The following HCRTR2 variants were observed in gnomAD, a reference collection of about 807,000 sequenced individuals.
The protein encoded by HCRTR2 is hypocretin receptor 2.
Under a neutral mutation model 49.0 loss-of-function variants are expected in HCRTR2, and 22 were observed. The ratio of observed to expected loss-of-function variants is 0.45; its 90% CI spans 0.32 to 0.64. HCRTR2 has a LOEUF of 0.64. Ranked by LOEUF, HCRTR2 falls within the 30% of genes least tolerant of loss-of-function variation. HCRTR2 has a pLI of 0.04. For synonymous variants in HCRTR2, 236 were observed against 205.3 expected (o/e 1.15, Z -1.28); for missense variants, 491 against 559.4 (o/e 0.88, Z 1.23).
chr6:55,115,564 G>A (rs1029609562), intron 1 of HCRTR2, among the ~76,000 whole-genome samples: 2 of 151,476 alleles, frequency 1.3e-5, no homozygotes, highest in East Asian at 1.9e-4. Flanking sequence ...AGTGCTTAGC[G>A]TAGTGCCAGG....
chr6:55,225,104 TG>T (rs2127297503), intron 1 of HCRTR2, among the ~76,000 whole-genome samples: 1 of 152,294 alleles, frequency 6.6e-6, no homozygotes, highest in South Asian at 2.1e-4. Context: ...AACATCATGT[TG>T]TACATGACAA....
rs567297631 is a variant in HCRTR2 at position 55,220,553 on chromosome 6, C to A, written c.224-28086C>A. ...ACAAACTATGAATAGAAGGCATGTA[C>A]CTCAACACAATAATAAAGGTCACAT... is the stretch of plus-strand genomic sequence containing the variant. On this transcript the variant is annotated intron_variant, in intron 1 of 6. Coordinates refer to ENST00000370862, the MANE Select transcript of HCRTR2 (RefSeq NM_001384272.1). 2.0e-5 allele frequency among the ~76,000 whole-genome samples: 3 copies of A among 152,112 alleles called. No homozygotes were observed. In the South Asian group the frequency reaches 6.2e-4, roughly 32 times the overall value.
chr6:55,132,051 T>C (rs147977430), intron 1 of HCRTR2, among the ~76,000 whole-genome samples: 376 of 151,960 alleles, frequency 2.5e-3, no homozygotes, highest in Non-Finnish European at 4.2e-3. Flanking sequence ...GTACATGTGT[T>C]TGTGGCCAAT....
At chr6:55,258,457 A>T (rs947204615) in intron 3 of HCRTR2, among the ~76,000 whole-genome samples, 5 of 152,142 alleles carry the variant, frequency 3.3e-5, no homozygotes, top group African/African-American at 4.8e-5. Flanking sequence ...TAACTAAAAA[A>T]TTTACCAGCA....
chr6:55,241,390 G>A (rs1766329746), intron 1 of HCRTR2, among the ~76,000 whole-genome samples: 3 of 152,032 alleles, frequency 2.0e-5, no homozygotes, highest in African/African-American at 7.2e-5. Context: ...GATGGAAGCA[G>A]GTTCAAATGC....
chr6:55,202,072 G>A lies in HCRTR2; in HGVS notation c.223+27262G>A, dbSNP rs75033481. ...CACTCACAGTAGAGGTAAGTTCAAG[G>A]TTATAAGAGAGCTTATAGATTCTGA... On this transcript the variant is annotated intron_variant, in intron 1 of 6. Coordinates refer to ENST00000370862, the MANE Select transcript of HCRTR2 (RefSeq NM_001384272.1). Among the ~76,000 whole-genome samples, 620 of 152,230 alleles carry A rather than the reference G, an allele frequency of 4.1e-3. 4 individuals carry two copies. The highest frequency in any genetic ancestry group is 0.014 in the African/African-American group (596 of 41,568).
chr6:55,149,439 C>A (rs1256959688), intron 1 of HCRTR2, among the ~76,000 whole-genome samples: 1 of 152,022 alleles, frequency 6.6e-6, no homozygotes, highest in Admixed American at 6.6e-5. Context: ...GTGAGGTGAG[C>A]AAATTGCTAT....
At chr6:55,165,789 A>ATATT (rs1764869655) in intron 1 of HCRTR2, among the ~76,000 whole-genome samples, 1 of 140,842 alleles carries the variant, frequency 7.1e-6, no homozygotes, top group African/African-American at 2.7e-5. Context: ...ATATATATAT[A>ATATT]CTCTTACACC....
At chr6:55,191,570 C>T (rs3122163) in intron 1 of HCRTR2, among the ~76,000 whole-genome samples, 129,762 of 152,176 alleles carry the variant, frequency 0.85, 55,729 homozygotes, top group East Asian at 0.97. Context: ...CTGATTTAGT[C>T]CTAGTATCTC....
chr6:55,197,490 T>C (rs939717445), intron 1 of HCRTR2, among the ~76,000 whole-genome samples: 1 of 152,166 alleles, frequency 6.6e-6, no homozygotes, highest in Non-Finnish European at 1.5e-5. Flanking sequence ...ATCCTAACCC[T>C]AATATTATCA....
chr6:55,209,877 A>G (rs888893781), intron 1 of HCRTR2, among the ~76,000 whole-genome samples: 1 of 152,072 alleles, frequency 6.6e-6, no homozygotes, highest in East Asian at 1.9e-4. Context: ...CAGTGAGTTT[A>G]TTTACAAAAC....
rs542629525 is a variant in HCRTR2, at chr6:55,280,911, G to A, written c.1105+467G>A. ...TGGATTTATCTCAATATTTCCCACT[G>A]ACTACCAAAAATAGTATTACTCCAA... On this transcript the variant is annotated intron_variant, in intron 6 of 6. Coordinates refer to ENST00000370862, the MANE Select transcript of HCRTR2 (RefSeq NM_001384272.1). 6.6e-5 allele frequency among the ~76,000 whole-genome samples: 10 copies of A among 152,006 alleles called. No homozygotes were observed. In the South Asian group the frequency reaches 2.1e-3, roughly 32 times the overall value.
intron 1 of HCRTR2, among the ~76,000 whole-genome samples, chr6:55,199,427 A>G (rs1018736141): frequency 6.6e-6 from 1 of 152,148 alleles, no homozygotes; most frequent in Admixed American, 6.5e-5. Context: ...TGCTTGCTAG[A>G]AAACAGCTGA....
intron 1 of HCRTR2, among the ~76,000 whole-genome samples, chr6:55,226,552 G>A (rs947393603): frequency 6.6e-6 from 1 of 151,848 alleles, no homozygotes; most frequent in Non-Finnish European, 1.5e-5. Context: ...CAGATGATCT[G>A]CACACCTTGG....
In HCRTR2 at chr6:55,226,722, T is replaced by G. The variant is rs889258297; in HGVS notation, c.224-21917T>G. On this transcript the variant is annotated intron_variant, in intron 1 of 6. Transcript: ENST00000370862. ...ACCAAATTCCAGGTGTTTTTTTTTTTTTTTTTTTTTTTTGAGACAGAGTCT... is the reference window on the plus strand; with the variant it reads ...ACCAAATTCCAGGTGTTTTTTTTTTGTTTTTTTTTTTTTGAGACAGAGTCT... Among the ~76,000 whole-genome samples, 19 of 136,598 alleles carry G rather than the reference T, an allele frequency of 1.4e-4. 1 individual carries two copies. Among genetic ancestry groups the G allele is most frequent in the African/African-American group, 4.8e-4 (17 of 35,258 alleles). 89.6% of individuals were successfully genotyped at this position (136,598 alleles called of 152,430 possible). A position where few individuals can be genotyped will look rare whatever the true frequency, so the allele number is the denominator to read the frequency against.
upstream of HCRTR2, chr6:55,174,422 G>A (rs1184694531): frequency 2.1e-5 from 14 of 680,654 alleles, no homozygotes; most frequent in South Asian, 2.1e-4. Flanking sequence ...GAAGTTGCCC[G>A]GCAGAAGACT....
At chr6:55,130,245 A>T (rs1371799026) in intron 1 of HCRTR2, among the ~76,000 whole-genome samples, 1 of 151,900 alleles carries the variant, frequency 6.6e-6, no homozygotes, top group Non-Finnish European at 1.5e-5. Flanking sequence ...GTGAATCTCA[A>T]AGGCAGCACA....
At chr6:55,232,887 A>C (rs544159531) in intron 1 of HCRTR2, among the ~76,000 whole-genome samples, 3 of 152,334 alleles carry the variant, frequency 2.0e-5, no homozygotes, top group Admixed American at 2.0e-4. Context: ...TCCGAAGTGC[A>C]TAAACTTTAC....
intron 1 of HCRTR2, chr6:55,106,617 T>G (rs1347183770): frequency 6.6e-6 from 1 of 152,130 alleles, no homozygotes; most frequent in East Asian, 1.9e-4. Flanking sequence ...ATTTATTGAA[T>G]AGCAACCATG....
Sources: gnomAD v4.1 joint callset for allele counts (sites outside exome capture counted in the v4.1 genomes callset) on GRCh38, gnomAD v4.1.1 for gene constraint, MANE v1.5 for transcripts, NCBI Gene and HGNC (gene_info 2026-07-23, HGNC 2026-07-21) for gene names.